The following AGBL4 variants were observed in gnomAD, a reference collection of about 807,000 sequenced individuals.
The protein encoded by AGBL4 is cytosolic carboxypeptidase 6.
AGBL4 carries 58 observed loss-of-function variants against 66.4 expected under a neutral mutation model. The ratio of observed to expected loss-of-function variants is 0.87; its 90% CI spans 0.71 to 1.09. The LOEUF (loss-of-function observed/expected upper bound fraction) is 1.09, where lower values mean the gene tolerates loss of function less well. Among genes scored for constraint, AGBL4 ranks in the 50% least tolerant of loss-of-function variants. The probability of loss-of-function intolerance (pLI) is 0.00; values close to 1 mark genes in which losing one functional copy is unlikely to be tolerated. For synonymous variants in AGBL4, 234 were observed against 222.9 expected (o/e 1.05, Z -0.44); for missense variants, 579 against 631.0 (o/e 0.92, Z 0.88).
At chr1:49,748,214 A>G (rs565825782) in intron 2 of AGBL4, among the ~76,000 whole-genome samples, 1 of 151,868 alleles carries the variant, frequency 6.6e-6, no homozygotes, top group Admixed American at 6.6e-5. Context: ...CCCTGTGCCC[A>G]TATGTTCTCG....
intron 6 of AGBL4, among the ~76,000 whole-genome samples, chr1:48,801,851 C>A (rs1280006722): frequency 6.6e-6 from 1 of 151,690 alleles, no homozygotes; most frequent in Admixed American, 6.6e-5. Flanking sequence ...GGGAGCTGCA[C>A]GTTTGTTAGT....
chr1:48,678,948 A>C (rs1646411816), intron 6 of AGBL4, among the ~76,000 whole-genome samples: 1 of 152,238 alleles, frequency 6.6e-6, no homozygotes, highest in Admixed American at 6.5e-5. Flanking sequence ...AGAAAATTTG[A>C]ACATGGGGTG....
At chr1:49,683,843 G>A (rs1646741124) in intron 3 of AGBL4, among the ~76,000 whole-genome samples, 1 of 152,132 alleles carries the variant, frequency 6.6e-6, no homozygotes, top group Non-Finnish European at 1.5e-5. Flanking sequence ...GCAAAAAGAG[G>A]ATACACACTT....
intron 1 of AGBL4, among the ~76,000 whole-genome samples, chr1:50,006,040 C>A (rs1218151933): frequency 6.6e-6 from 1 of 152,026 alleles, no homozygotes; most frequent in East Asian, 1.9e-4. Flanking sequence ...GAGTTATTAG[C>A]CTTAAAAAAG....
intron 3 of AGBL4, among the ~76,000 whole-genome samples, chr1:49,505,984 G>T (rs1032655520): frequency 6.6e-6 from 1 of 151,424 alleles, no homozygotes; most frequent in Non-Finnish European, 1.5e-5. Flanking sequence ...GATCATTTCT[G>T]GTGTTGATAC....
At chr1:48,843,764 AAC>A (rs1646855466) in intron 6 of AGBL4, among the ~76,000 whole-genome samples, 1 of 152,002 alleles carries the variant, frequency 6.6e-6, no homozygotes. Context: ...TAGATGAGAA[AAC>A]CGAGACTGAG....
intron 3 of AGBL4, among the ~76,000 whole-genome samples, chr1:49,665,394 C>G (rs1646345506): frequency 1.3e-5 from 2 of 152,168 alleles, no homozygotes; most frequent in Middle Eastern, 3.4e-3. Context: ...CTGTATTAGG[C>G]TAGGCAAGTT....
intron 9 of AGBL4, among the ~76,000 whole-genome samples, chr1:48,611,855 T>A (rs144616973): frequency 6.6e-6 from 1 of 152,224 alleles, no homozygotes; most frequent in Non-Finnish European, 1.5e-5. Flanking sequence ...AAAATAAGAT[T>A]TTTAAAGCTC....
chr1:48,827,517 C>A (rs532379864), intron 6 of AGBL4, among the ~76,000 whole-genome samples: 1 of 152,326 alleles, frequency 6.6e-6, no homozygotes, highest in South Asian at 2.1e-4. Context: ...TGGCCACCAT[C>A]CACACTGCTA....
intron 5 of AGBL4, among the ~76,000 whole-genome samples, chr1:48,961,300 C>A (rs957098781): frequency 6.6e-6 from 1 of 152,196 alleles, no homozygotes; most frequent in Admixed American, 6.5e-5. Flanking sequence ...GAAGTGGCAG[C>A]TGGCTCCTGA....
intron 6 of AGBL4, among the ~76,000 whole-genome samples, chr1:48,670,327 A>C (rs1235040880): frequency 1.3e-5 from 2 of 152,240 alleles, no homozygotes; most frequent in Non-Finnish European, 2.9e-5. Context: ...GAGGACCAGA[A>C]AGAACGAGTG....
intron 2 of AGBL4, among the ~76,000 whole-genome samples, chr1:49,726,842 AGG>A (rs1649067177): frequency 6.6e-6 from 1 of 152,140 alleles, no homozygotes; most frequent in Non-Finnish European, 1.5e-5. Flanking sequence ...CACATGGAGG[AGG>A]AATATGGCCA....
chr1:48,617,730 T>C (rs1438392015), intron 9 of AGBL4, among the ~76,000 whole-genome samples: 4 of 152,194 alleles, frequency 2.6e-5, no homozygotes, highest in Admixed American at 6.5e-5. Context: ...ACTTCTGCCT[T>C]GGGGCGGCCC....
intron 3 of AGBL4, among the ~76,000 whole-genome samples, chr1:49,401,571 C>T (rs967426672): frequency 6.6e-6 from 1 of 152,038 alleles, no homozygotes; most frequent in Admixed American, 6.6e-5. Context: ...AATGTTTTGT[C>T]GAATTTGGTT....
intron 3 of AGBL4, among the ~76,000 whole-genome samples, chr1:49,689,584 G>A (rs1014394594): frequency 5.3e-5 from 8 of 151,972 alleles, no homozygotes; most frequent in African/African-American, 1.7e-4. Flanking sequence ...TAAATTTTAG[G>A]ATTTTTTCTA....
chr1:48,594,217 G>A (rs1193047418), intron 9 of AGBL4, among the ~76,000 whole-genome samples: 2 of 151,878 alleles, frequency 1.3e-5, no homozygotes, highest in East Asian at 1.9e-4. Context: ...CTAGCTACTC[G>A]GGAGGCTGAG....
At chr1:49,028,919 A>G (rs919577173) in intron 5 of AGBL4, among the ~76,000 whole-genome samples, 1 of 152,212 alleles carries the variant, frequency 6.6e-6, no homozygotes, top group Non-Finnish European at 1.5e-5. Context: ...CTGAAAATCA[A>G]TCAACATAAT....
At position 49,175,894 on chromosome 1, in the gene AGBL4, G is replaced by A. The variant is rs142212338; in HGVS notation, c.377+69876C>T. 3.8e-3 allele frequency among the ~76,000 whole-genome samples: 582 copies of A among 152,204 alleles called. 4 individuals are homozygous for A. Among genetic ancestry groups the A allele is most frequent in the Non-Finnish European group, 6.3e-3 (427 of 67,980 alleles). On this transcript the variant is annotated intron_variant, in intron 4 of 13. Coordinates refer to ENST00000371839, the MANE Select transcript of AGBL4 (RefSeq NM_032785.4). Reference sequence around the variant, plus strand: ...AGATGCTACCTGTGTAGATGACATGGTGATGAGTGACAAGTCGTGGATACT... The same window carrying A: ...AGATGCTACCTGTGTAGATGACATGATGATGAGTGACAAGTCGTGGATACT...
chr1:49,832,884 T>C (rs975821977), intron 2 of AGBL4, among the ~76,000 whole-genome samples: 1 of 152,146 alleles, frequency 6.6e-6, no homozygotes, highest in Admixed American at 6.5e-5. Flanking sequence ...TTGTAGATTC[T>C]GGATATTAGC....
Sources: allele counts gnomAD v4.1 joint callset (sites outside exome capture counted in the v4.1 genomes callset), GRCh38; gene constraint gnomAD v4.1.1; transcripts MANE v1.5; gene names NCBI Gene and HGNC (gene_info 2026-07-23, HGNC 2026-07-21).